The following SRPK2 variants were observed in gnomAD, a reference collection of about 807,000 sequenced individuals.
The protein encoded by SRPK2 is SFRS protein kinase 2.
SRPK2 carries 21 observed loss-of-function variants against 90.8 expected under a neutral mutation model. The observed-to-expected ratio is 0.23, with a 90% CI of 0.16 to 0.33. The LOEUF is 0.33. Among genes scored for constraint, SRPK2 ranks in the 10% least tolerant of loss-of-function variants. The pLI is 1.00. For synonymous variants in SRPK2, 288 were observed against 311.1 expected (o/e 0.93, Z 0.78); for missense variants, 620 against 869.0 (o/e 0.71, Z 3.60).
At chr7:105,317,826 G>A (rs1304294986) in intron 2 of SRPK2, among the ~76,000 whole-genome samples, 1 of 152,160 alleles carries the variant, frequency 6.6e-6, no homozygotes, top group Non-Finnish European at 1.5e-5. Flanking sequence ...TGCAGTCACT[G>A]TAGCCTCAAC....
rs114418334 is a variant in SRPK2 at position 105,306,674 on chromosome 7, C to T, written c.71+81974G>A. ...CAGTTGGAAAAGCATTTAACCGAAA[C>T]ACTCATTTACAAATATCTTTATCTG... is the stretch of plus-strand genomic sequence containing the variant. On this transcript the variant is annotated intron_variant, in intron 2 of 15. Transcript: ENST00000393651. 1.9e-3 allele frequency: 652 copies of T among 346,126 alleles called. 3 individuals carry two copies. The highest frequency in any genetic ancestry group is 0.013 in the African/African-American group (603 of 46,630). 21.4% of individuals were successfully genotyped at this position (346,126 alleles called of 1,614,324 possible).
At chr7:105,198,347 T>TG (rs1322521788) in intron 3 of SRPK2, among the ~76,000 whole-genome samples, 1 of 151,776 alleles carries the variant, frequency 6.6e-6, no homozygotes, top group Non-Finnish European at 1.5e-5. Context: ...ACAGGTTTTT[T>TG]TTGCTCAAAC....
At chr7:105,265,291 T>C (rs1054833860) in intron 2 of SRPK2, among the ~76,000 whole-genome samples, 3 of 151,328 alleles carry the variant, frequency 2.0e-5, no homozygotes, top group Admixed American at 1.3e-4. Flanking sequence ...TTTTAAACTA[T>C]AATATAACAA....
intron 2 of SRPK2, among the ~76,000 whole-genome samples, chr7:105,267,548 A>G (rs1006425004): frequency 1.3e-5 from 2 of 152,224 alleles, no homozygotes; most frequent in African/African-American, 2.4e-5. Context: ...TAGAAGCCAC[A>G]CAAAAATAAA....
At chr7:105,290,894 C>T (rs1016246753) in intron 2 of SRPK2, among the ~76,000 whole-genome samples, 7 of 148,864 alleles carry the variant, frequency 4.7e-5, no homozygotes, top group Admixed American at 4.0e-4. Flanking sequence ...AAAAATTGGC[C>T]GGGCGCGGTG....
intron 3 of SRPK2, among the ~76,000 whole-genome samples, chr7:105,171,123 A>G (rs541065639): frequency 9.2e-4 from 140 of 152,184 alleles, no homozygotes; most frequent in Non-Finnish European, 1.5e-3. Flanking sequence ...GAAATCAGCT[A>G]TAGAGGGCAC....
chr7:105,367,359 G>T (rs1297857447), intron 2 of SRPK2, among the ~76,000 whole-genome samples: 1 of 151,970 alleles, frequency 6.6e-6, no homozygotes, highest in Admixed American at 6.6e-5. Flanking sequence ...GCCTCCTGGG[G>T]TCAAGCAATC....
intron 2 of SRPK2, among the ~76,000 whole-genome samples, chr7:105,356,683 C>T (rs1412582439): frequency 6.6e-6 from 1 of 152,104 alleles, no homozygotes; most frequent in Non-Finnish European, 1.5e-5. Flanking sequence ...GCAAGTACAA[C>T]CTGTATTTGC....
intron 2 of SRPK2, among the ~76,000 whole-genome samples, chr7:105,355,090 G>A (rs1817628689): frequency 6.6e-6 from 1 of 152,064 alleles, no homozygotes; most frequent in South Asian, 2.1e-4. Flanking sequence ...TATTTTTACT[G>A]CTGAATAATA....
chr7:105,118,122 G>T, intron 15 of SRPK2, 100 bp from the exon 16 acceptor site: 1 of 1,180,470 alleles, frequency 8.5e-7, no homozygotes, highest in Non-Finnish European at 1.2e-6. Context: ...ACAACCACCT[G>T]CTCAACACTT....
rs555996337 is a variant in SRPK2 at position 105,373,586 on chromosome 7, A to T, written c.71+15062T>A. ...TCCAGCTGATTTTTGTATTTTTAATAGACATGGGGTTTCGTCATGTTGGCC... is the reference window on the plus strand; with the variant it reads ...TCCAGCTGATTTTTGTATTTTTAATTGACATGGGGTTTCGTCATGTTGGCC... On this transcript the variant is annotated intron_variant, in intron 2 of 15. Coordinates refer to ENST00000393651, the MANE Select transcript of SRPK2 (RefSeq NM_182692.3). Among the ~76,000 whole-genome samples the T allele has an allele frequency of 8.5e-4, 130 of 152,070 alleles. 1 individual carries two copies. The highest frequency in any genetic ancestry group is 3.0e-3 in the African/African-American group (125 of 41,494).
At chr7:105,349,522 C>CAAAAAAAAAAAAAAAAA (rs572686995) in intron 2 of SRPK2, among the ~76,000 whole-genome samples, 1 of 88,948 alleles carries the variant, frequency 1.1e-5, no homozygotes, top group African/African-American at 4.2e-5. Context: ...AACTCCATCT[C>CAAAAAAAAAAAAAAAAA]AAAAAAAAAA....
chr7:105,265,351 A>G (rs1476924566), intron 2 of SRPK2, among the ~76,000 whole-genome samples: 3 of 152,216 alleles, frequency 2.0e-5, no homozygotes, highest in African/African-American at 7.2e-5. Flanking sequence ...TAATCTAGAG[A>G]TGTTTTAAAA....
intron 11 of SRPK2, among the ~76,000 whole-genome samples, chr7:105,133,898 G>A (rs1385343773): frequency 6.6e-6 from 1 of 152,104 alleles, no homozygotes; most frequent in Non-Finnish European, 1.5e-5. Context: ...TCTGGGGCCA[G>A]ATCTTCTCAA....
chr7:105,168,719 T>TACACAC (rs141696554), intron 4 of SRPK2, among the ~76,000 whole-genome samples: 4 of 120,306 alleles, frequency 3.3e-5, no homozygotes, highest in South Asian at 2.8e-4. Context: ...TTTGTTTCAG[T>TACACAC]ACACACACAC....
chr7:105,359,827 T>C (rs1267952062), intron 2 of SRPK2, among the ~76,000 whole-genome samples: 1 of 152,212 alleles, frequency 6.6e-6, no homozygotes, highest in East Asian at 1.9e-4. Context: ...ATAAGTGCGA[T>C]GTGGTGCTGA....
chr7:105,162,964 G>A lies in SRPK2; in HGVS notation c.515-2351C>T, dbSNP rs57995667. Among the ~76,000 whole-genome samples the A allele has an allele frequency of 3.8e-3, 579 of 152,304 alleles. 2 individuals carry two copies. Among genetic ancestry groups the A allele is most frequent in the African/African-American group, 0.013 (543 of 41,556 alleles). On this transcript the variant is annotated intron_variant, in intron 6 of 15. Transcript: ENST00000393651. ...ACACAGAAGAAGTGAGTGCTCTGCC[G>A]CTATCTGCTTACTGATTTATCTATC...
In SRPK2 at chr7:105,171,272, C is replaced by T. The variant is rs566006849; in HGVS notation, c.230-2007G>A. On this transcript the variant is annotated intron_variant, in intron 3 of 15. Coordinates refer to ENST00000393651, the MANE Select transcript of SRPK2 (RefSeq NM_182692.3). ...AATATGGTACACTTTTTGTGAAATA[C>T]GGAGGATAAGATGTTAGGAATGGAC... 5.3e-5 allele frequency among the ~76,000 whole-genome samples: 8 copies of T among 152,200 alleles called. No homozygotes were observed. The South Asian group carries it at 1.5e-3, about 28-fold the overall frequency.
chr7:105,275,917 C>T (rs776433241), intron 2 of SRPK2, among the ~76,000 whole-genome samples: 22 of 152,258 alleles, frequency 1.4e-4, no homozygotes, highest in Admixed American at 3.3e-4. Flanking sequence ...TTTAAAAAGA[C>T]ATAATAACTG....
Sources: gnomAD v4.1 joint callset for allele counts (sites outside exome capture counted in the v4.1 genomes callset) on GRCh38, gnomAD v4.1.1 for gene constraint, MANE v1.5 for transcripts, NCBI Gene and HGNC (gene_info 2026-07-23, HGNC 2026-07-21) for gene names.